Variants in IGF2BP3 observed in about 807,000 individuals in gnomAD.
IGF2BP3 encodes the protein insulin like growth factor 2 mRNA binding protein 3.
In IGF2BP3, 9 loss-of-function variants were observed where a neutral mutation model predicts 73.8. The ratio of observed to expected loss-of-function variants is 0.12; its 90% CI spans 0.07 to 0.21. The LOEUF (loss-of-function observed/expected upper bound fraction) is 0.21, where lower values mean the gene tolerates loss of function less well. Ranked by LOEUF, IGF2BP3 falls within the 10% of genes least tolerant of loss-of-function variation. The probability of loss-of-function intolerance (pLI) is 1.00; values close to 1 mark genes in which losing one functional copy is unlikely to be tolerated. For missense variants in IGF2BP3, 542 were observed against 714.0 expected, an observed-to-expected ratio of 0.76 and a Z score of 2.75; for synonymous variants, 258 against 256.7, an observed-to-expected ratio of 1.01 and a Z score of -0.05.
intron 5 of IGF2BP3, among the ~76,000 whole-genome samples, chr7:23,352,732 A>C (rs1376652905): frequency 6.6e-6 from 1 of 152,180 alleles, no homozygotes; most frequent in Non-Finnish European, 1.5e-5. Context: ...CCCCAACAGT[A>C]CCTGCTTCCG....
chr7:23,342,224 TAAAA>T (rs772143898), intron 9 of IGF2BP3, 35 bp from the exon 10 acceptor site: 24 of 1,610,670 alleles, frequency 1.5e-5, no homozygotes, highest in Non-Finnish European at 2.0e-5. Flanking sequence ...ATTTGACAAT[TAAAA>T]GAATCAAGGG....
intron 2 of IGF2BP3, among the ~76,000 whole-genome samples, chr7:23,460,567 C>T (rs1164863019): frequency 6.6e-6 from 1 of 151,594 alleles, no homozygotes; most frequent in Non-Finnish European, 1.5e-5. Flanking sequence ...CGTCATTTGT[C>T]ACAGACAAGC....
intron 2 of IGF2BP3, among the ~76,000 whole-genome samples, chr7:23,455,793 C>A (rs1236026778): frequency 6.6e-6 from 1 of 152,194 alleles, no homozygotes; most frequent in Non-Finnish European, 1.5e-5. Flanking sequence ...TCGAGCCACT[C>A]TCCTGCCTCA....
chr7:23,358,404 C>T (rs894602285), intron 5 of IGF2BP3, among the ~76,000 whole-genome samples: 5 of 152,126 alleles, frequency 3.3e-5, no homozygotes, highest in African/African-American at 1.2e-4. Context: ...GGAGAAATGA[C>T]ACCAGGTTGG....
intron 3 of IGF2BP3, among the ~76,000 whole-genome samples, chr7:23,388,559 T>C (rs1230139054): frequency 6.7e-6 from 1 of 150,364 alleles, no homozygotes; most frequent in South Asian, 2.1e-4. Context: ...GGAACAGAGA[T>C]AAATTTTGTC....
intron 5 of IGF2BP3, among the ~76,000 whole-genome samples, chr7:23,357,016 T>C (rs950287313): frequency 1.3e-5 from 2 of 152,218 alleles, no homozygotes; most frequent in African/African-American, 2.4e-5. Context: ...CTGAAAGTTA[T>C]AATGCATGGG....
At position 23,332,811 on chromosome 7, in the gene IGF2BP3, T is replaced by C. The variant is rs74912394; in HGVS notation, c.1203+9253A>G. ...TATCAACTGTGCTCAATGTTAGCAT[T>C]ACTTCATCATTCTGGTCCTTGTATC... is the stretch of plus-strand genomic sequence containing the variant. On this transcript the variant is annotated intron_variant, in intron 10 of 14. Transcript: ENST00000258729. 1.1e-4 allele frequency among the ~76,000 whole-genome samples: 16 copies of C among 152,338 alleles called. No individual in the cohort carries two copies. The East Asian group carries it at 3.1e-3, about 29-fold the overall frequency.
intron 7 of IGF2BP3, among the ~76,000 whole-genome samples, chr7:23,347,385 G>A (rs894323833): frequency 6.6e-5 from 10 of 151,906 alleles, no homozygotes; most frequent in South Asian, 2.1e-4. Context: ...TCTCTTCCCC[G>A]TTATCACCAC....
intron 6 of IGF2BP3, among the ~76,000 whole-genome samples, chr7:23,350,451 G>A (rs1784931540): frequency 6.6e-6 from 1 of 152,180 alleles, no homozygotes; most frequent in Non-Finnish European, 1.5e-5. Flanking sequence ...GTGCCTCGTA[G>A]CACGTTACGG....
chr7:23,353,990 CTTTA>C (rs765601861), intron 5 of IGF2BP3, among the ~76,000 whole-genome samples: 146 of 152,232 alleles, frequency 9.6e-4, no homozygotes, highest in Middle Eastern at 3.4e-3. Context: ...TTCAAAACAG[CTTTA>C]TTTATTTATT....
intron 3 of IGF2BP3, chr7:23,413,927 C>CCT (rs1787109068): frequency 6.6e-6 from 1 of 152,148 alleles, no homozygotes; most frequent in African/African-American, 2.4e-5. Context: ...CCAAGGCGGG[C>CCT]AGATCACAAG....
chr7:23,339,908 A>C (rs1275229045), intron 10 of IGF2BP3, among the ~76,000 whole-genome samples: 1 of 152,180 alleles, frequency 6.6e-6, no homozygotes, highest in Non-Finnish European at 1.5e-5. Flanking sequence ...CCCTAGATGT[A>C]CTCTCAGATT....
intron 3 of IGF2BP3, among the ~76,000 whole-genome samples, chr7:23,405,862 G>A (rs1584001501): frequency 6.6e-6 from 1 of 152,180 alleles, no homozygotes; most frequent in South Asian, 2.1e-4. Context: ...CTTGGTGAAA[G>A]AATTCGCCTT....
chr7:23,424,629 AG>A (rs575745189), intron 2 of IGF2BP3, among the ~76,000 whole-genome samples: 43 of 151,748 alleles, frequency 2.8e-4, no homozygotes, highest in African/African-American at 9.7e-4. Flanking sequence ...CCGGCAGGGT[AG>A]CTCATGCCTG....
At chr7:23,341,084 G>A (rs959688252) in intron 10 of IGF2BP3, among the ~76,000 whole-genome samples, 4 of 151,678 alleles carry the variant, frequency 2.6e-5, no homozygotes, top group African/African-American at 7.3e-5. Context: ...TCCTGACCTC[G>A]GGTGATCCTC....
In IGF2BP3 at chr7:23,310,523, G is replaced by A. The variant is rs1783798572; in HGVS notation, c.*1839C>T. 1 of 152,008 alleles carries A rather than the reference G, an allele frequency of 6.6e-6. No individual in the cohort carries two copies. The highest frequency in any genetic ancestry group is 2.4e-5 in the African/African-American group (1 of 41,360). 9.4% of individuals were successfully genotyped at this position (152,008 alleles called of 1,614,324 possible). A position where few individuals can be genotyped will look rare whatever the true frequency, so the allele number is the denominator to read the frequency against. ...AAAATCAAATACTGAGAAAAGCTCT[G>A]GCCTTAAACACATCTTACCTGAAAT... On this transcript the variant is annotated 3_prime_UTR_variant, in exon 15 of 15. Transcript: ENST00000258729.
At chr7:23,436,424 C>G (rs1276483891) in intron 2 of IGF2BP3, among the ~76,000 whole-genome samples, 1 of 152,138 alleles carries the variant, frequency 6.6e-6, no homozygotes, top group Non-Finnish European at 1.5e-5. Flanking sequence ...TTTGGTGATT[C>G]TTGAAGCTAG....
intron 3 of IGF2BP3, among the ~76,000 whole-genome samples, chr7:23,365,106 C>T (rs1785337087): frequency 6.6e-6 from 1 of 152,070 alleles, no homozygotes; most frequent in Non-Finnish European, 1.5e-5. Flanking sequence ...GTGGAGGTGG[C>T]AGTGAGCAGA....
intron 2 of IGF2BP3, among the ~76,000 whole-genome samples, chr7:23,460,521 A>C (rs1443132921): frequency 7.2e-6 from 1 of 138,420 alleles, no homozygotes; most frequent in Non-Finnish European, 1.6e-5. Context: ...ACAAGAGTGA[A>C]ACTCCATCTC....
Sources: gnomAD v4.1 joint callset for allele counts (sites outside exome capture counted in the v4.1 genomes callset) on GRCh38, gnomAD v4.1.1 for gene constraint, MANE v1.5 for transcripts, NCBI Gene and HGNC (gene_info 2026-07-23, HGNC 2026-07-21) for gene names.